ZNF555: variants seen among roughly 807,000 people sequenced by gnomAD.
ZNF555 encodes the protein zinc finger protein 555.
ZNF555 carries 10 observed loss-of-function variants against 14.0 expected under a neutral mutation model. The observed-to-expected ratio is 0.72, with a 90% CI of 0.44 to 1.21. The LOEUF (loss-of-function observed/expected upper bound fraction) is 1.21. Among genes scored for constraint, ZNF555 ranks in the 50% most tolerant of loss-of-function variants. ZNF555 has a pLI of 0.00. For synonymous variants in ZNF555, 277 were observed against 262.4 expected (o/e 1.06, Z -0.54); for missense variants, 747 against 762.0 (o/e 0.98, Z 0.23).
rs772924407 is a variant in ZNF555, at chr19:2,853,926, G to C, written c.1861G>C (p.Val621Leu). The change falls in exon 4 of 4, where the codon GTT (valine) becomes CTT (leucine). Residue 621 changes from valine (V) to leucine (L), a missense_variant. Val to Leu is a conservative substitution (Grantham distance 32). Coordinates refer to ENST00000334241, the MANE Select transcript of ZNF555 (RefSeq NM_152791.5). Reference sequence around the variant, plus strand: ...ACACCAGGAGAGAGATCTGATCAAAGTTGTAAATATGGTGTTGCCTTTATG... The same window carrying C: ...ACACCAGGAGAGAGATCTGATCAAACTTGTAAATATGGTGTTGCCTTTATG... Reference protein sequence around the residue: ...KSHQERDLIKVVNMVLPL With the variant: ...KSHQERDLIKLVNMVLPL 3.7e-6 allele frequency: 6 copies of C among 1,613,798 alleles called. No individual in the cohort carries two copies. In the Admixed American group the frequency reaches 6.7e-5, roughly 18 times the overall value.
In ZNF555 at chr19:2,852,723, AG is replaced by A. The variant is rs751004415; in HGVS notation, c.660del (p.Ile221PhefsTer56). The A allele has an allele frequency of 6.2e-7, 1 of 1,614,064 alleles. No homozygotes were observed. The highest frequency in any genetic ancestry group is 1.3e-5 in the African/African-American group (1 of 74,918). On this transcript the variant is annotated frameshift_variant, in exon 4 of 4. Coordinates refer to ENST00000334241, the MANE Select transcript of ZNF555 (RefSeq NM_152791.5). LOFTEE classifies it low-confidence loss of function (END_TRUNC). ...TACTTCCTCCCTCAATCGGCATGTA[AG>A]GATTCACACTGCTGAGAAAACCTAC... is the stretch of plus-strand genomic sequence containing the variant. ...PRTSSLNRHV[R>X]IHTAEKTYEC... is the part of the protein sequence containing the mutation.
rs979387908 is a variant in ZNF555, at chr19:2,855,961, G to A, written c.*2009G>A. On this transcript the variant is annotated 3_prime_UTR_variant, in exon 4 of 4. Transcript: ENST00000334241. ...TTACATTGGCAACAGCTCTCTTTTCGCATACTGAGGCACCGCGAATTAAGA... is the reference window on the plus strand; with the variant it reads ...TTACATTGGCAACAGCTCTCTTTTCACATACTGAGGCACCGCGAATTAAGA... 1.3e-5 allele frequency: 2 copies of A among 151,884 alleles called. No homozygotes were observed. The highest frequency in any genetic ancestry group is 2.1e-4 in the South Asian group (1 of 4,776). 9.4% of individuals were successfully genotyped at this position (151,884 alleles called of 1,614,324 possible).
rs375008449 is a variant in ZNF555, at chr19:2,841,647, G to A, written c.3+72G>A. 50 of 1,428,380 alleles carry A rather than the reference G, an allele frequency of 3.5e-5. No individual in the cohort carries two copies. In the South Asian group the frequency reaches 4.5e-4, roughly 13 times the overall value. 88.5% of individuals were successfully genotyped at this position (1,428,380 alleles called of 1,614,324 possible). On this transcript the variant is annotated intron_variant, in intron 1 of 3. Coordinates refer to ENST00000334241, the MANE Select transcript of ZNF555 (RefSeq NM_152791.5). The stretch of plus-strand genomic sequence containing the variant: ...GGCGACCGCCCGAGACCGCGGCTTG[G>A]GGGGAGCTGAGGGACGCGGGGGGCG...
chr19:2,846,187 T>C lies in ZNF555; in HGVS notation c.4-4400T>C, dbSNP rs370688972. Among the ~76,000 whole-genome samples, 148 of 152,356 alleles carry C rather than the reference T, an allele frequency of 9.7e-4. 1 individual carries two copies. The highest frequency in any genetic ancestry group is 3.4e-3 in the African/African-American group (142 of 41,582). On this transcript the variant is annotated intron_variant, in intron 1 of 3. Coordinates refer to ENST00000334241, the MANE Select transcript of ZNF555 (RefSeq NM_152791.5). ...TTGCATGTCTGTGATACCAGTTCAT[T>C]GACCTCTCCAGTATGGACGACACCT...
At position 2,852,841 on chromosome 19, in the gene ZNF555, A is replaced by C. The variant is rs778016153; in HGVS notation, c.776A>C (p.Lys259Thr). 71 of 1,614,122 alleles carry C rather than the reference A, an allele frequency of 4.4e-5. No individual in the cohort carries two copies. Among genetic ancestry groups the C allele is most frequent in the Non-Finnish European group, 5.8e-5 (69 of 1,180,060 alleles). ...ACCGGAGAGAAGCCATATAAGTGTA[A>C]GGAATGTGGGAAAGCTTTCAGTTAT... ...SHTGEKPYKC[K>T]ECGKAFSYSS... is the part of the protein sequence containing the mutation. Residue 259 changes from lysine (K) to threonine (T), a missense_variant, in exon 4 of 4, where the codon AAG becomes ACG. Physicochemically the swap from Lys to Thr is moderately conservative, Grantham distance 78 (BLOSUM62 -1). Transcript: ENST00000334241.
At chr19:2,843,443 T>A (rs1291504019) in intron 1 of ZNF555, among the ~76,000 whole-genome samples, 3 of 152,180 alleles carry the variant, frequency 2.0e-5, no homozygotes, top group African/African-American at 7.2e-5. Context: ...TTCTTTTGAA[T>A]GACAATAAAT....
Position 2,850,662 on chromosome 19 carries a change from G to T in ZNF555, c.79G>T (p.Asp27Tyr), listed in dbSNP as rs1452543065. 1 of 1,613,888 alleles carries T rather than the reference G, an allele frequency of 6.2e-7. No individual in the cohort carries two copies. The highest frequency in any genetic ancestry group is 1.3e-5 in the African/African-American group (1 of 74,916). ...GGCTTTGCTGGATTCTGCTCAGAGG[G>T]ACCTCTACAGAGATGTGATGCTGGA... is the stretch of plus-strand genomic sequence containing the variant. Reference protein sequence around the residue: ...EWALLDSAQRDLYRDVMLETF... With the variant: ...EWALLDSAQRYLYRDVMLETF... Residue 27 changes from aspartate (D) to tyrosine (Y), a missense_variant, in exon 2 of 4, where the codon GAC becomes TAC. Asp to Tyr is a radical substitution (Grantham distance 160). Coordinates refer to ENST00000334241, the MANE Select transcript of ZNF555 (RefSeq NM_152791.5).
At chr19:2,850,791 G>C (rs2087622778) in intron 2 of ZNF555, 78 bp downstream of exon 2, 1 of 1,565,870 alleles carries the variant, frequency 6.4e-7, no homozygotes, top group East Asian at 2.3e-5. Flanking sequence ...CTGTTCCAAG[G>C]CTTGGAATGT....
At chr19:2,843,741 G>C (rs1365126338) in intron 1 of ZNF555, among the ~76,000 whole-genome samples, 1 of 152,118 alleles carries the variant, frequency 6.6e-6, no homozygotes, top group Non-Finnish European at 1.5e-5. Context: ...TATTTTTCTT[G>C]TTTAGATGAC....
At chr19:2,843,100 T>C (rs931108336) in intron 1 of ZNF555, among the ~76,000 whole-genome samples, 2 of 152,124 alleles carry the variant, frequency 1.3e-5, no homozygotes, top group African/African-American at 4.8e-5. Context: ...AAAATCTGTG[T>C]CTTACATTCC....
In ZNF555 at chr19:2,854,034, C is replaced by A; in HGVS notation, c.*82C>A. 1 of 1,520,212 alleles carries A rather than the reference C, an allele frequency of 6.6e-7. No homozygotes were observed. The allele number at this position is 1,520,212 out of a possible 1,614,324, so 94.2% of individuals were successfully genotyped here. A position where few individuals can be genotyped will look rare whatever the true frequency, so the allele number is the denominator to read the frequency against. On this transcript the variant is annotated 3_prime_UTR_variant, in exon 4 of 4. Transcript: ENST00000334241. Reference sequence around the variant, plus strand: ...AAACATTTAGTTGAAAAATAATTCTCCAAATACTCTCAGCTATCCTACATG... The same window carrying A: ...AAACATTTAGTTGAAAAATAATTCTACAAATACTCTCAGCTATCCTACATG...
At chr19:2,850,837 G>GTCAC (rs1258430696) in intron 2 of ZNF555, 124 bp downstream of exon 2, 1 of 1,153,656 alleles carries the variant, frequency 8.7e-7, no homozygotes, top group Non-Finnish European at 1.2e-6. Flanking sequence ...GACAGACATA[G>GTCAC]TCACAGCTGT....
rs772323574 is a variant in ZNF555 at position 2,853,641 on chromosome 19, CAT to C, written c.1577_1578del (p.His526ArgfsTer11). On this transcript the variant is annotated frameshift_variant, in exon 4 of 4. Coordinates refer to ENST00000334241, the MANE Select transcript of ZNF555 (RefSeq NM_152791.5). LOFTEE classifies it low-confidence loss of function (END_TRUNC). ...CAGTTGGCCTGAACTTTTGCAACAA[CAT>C]GTGAGAACGCACACTGTAGAGAAGC... ...AFSWPELLQQ[H>X]VRTHTVEKPY... 7.5e-6 allele frequency: 12 copies of C among 1,599,608 alleles called. No homozygotes were observed. Among genetic ancestry groups the C allele is most frequent in the Middle Eastern group, 3.3e-4 (2 of 5,990 alleles).
chr19:2,846,079 C>T (rs559566579), intron 1 of ZNF555, among the ~76,000 whole-genome samples: 1 of 152,302 alleles, frequency 6.6e-6, no homozygotes, highest in South Asian at 2.1e-4. Flanking sequence ...GCCTCCTGTC[C>T]TAGGGTTCTC....
chr19:2,852,731 C>A lies in ZNF555; in HGVS notation c.666C>A (p.His222Gln). Residue 222 changes from histidine to glutamine, a missense_variant, in exon 4 of 4, where the codon CAC becomes CAA. Transcript: ENST00000334241. ...TSSLNRHVRI[H>Q]TAEKTYECKQ... is the part of the protein sequence containing the mutation. ...CCCTCAATCGGCATGTAAGGATTCA[C>A]ACTGCTGAGAAAACCTACGAATGTA... 1 of 1,614,222 alleles carries A rather than the reference C, an allele frequency of 6.2e-7. No individual in the cohort carries two copies.
At chr19:2,841,722 C>G (rs1417051344) in intron 1 of ZNF555, 147 bp downstream of exon 1, 2 of 944,062 alleles carry the variant, frequency 2.1e-6, no homozygotes, top group Non-Finnish European at 2.8e-6. Flanking sequence ...GGGGGTCCCG[C>G]CCGGCCCCGC....
In ZNF555 at chr19:2,841,559, A is replaced by G; in HGVS notation, c.-14A>G. The G allele has an allele frequency of 2.6e-6, 4 of 1,543,788 alleles. No individual in the cohort carries two copies. Among genetic ancestry groups the G allele is most frequent in the Non-Finnish European group, 3.5e-6 (4 of 1,143,878 alleles). On this transcript the variant is annotated 5_prime_UTR_variant, in exon 1 of 4. Transcript: ENST00000334241. ...CGCTCACCTGCGCCGGTAGCGAAGAAATCGCCCCGGGACATGGTGAGTGTG... is the reference window on the plus strand; with the variant it reads ...CGCTCACCTGCGCCGGTAGCGAAGAGATCGCCCCGGGACATGGTGAGTGTG...
chr19:2,842,678 G>T (rs1210822535), intron 1 of ZNF555, among the ~76,000 whole-genome samples: 1 of 152,150 alleles, frequency 6.6e-6, no homozygotes, highest in Non-Finnish European at 1.5e-5. Context: ...ACTGTGAAAA[G>T]ATTTTCCTTT....
chr19:2,852,004 A>G (rs906628925), intron 3 of ZNF555, among the ~76,000 whole-genome samples: 2 of 152,128 alleles, frequency 1.3e-5, no homozygotes, highest in Admixed American at 1.3e-4. Flanking sequence ...TACAAACATT[A>G]GCAGGGCATG....
Sources: gnomAD v4.1 joint callset for allele counts (sites outside exome capture counted in the v4.1 genomes callset) on GRCh38, gnomAD v4.1.1 for gene constraint, MANE v1.5 for transcripts, NCBI Gene and HGNC (gene_info 2026-07-23, HGNC 2026-07-21) for gene names.